The following TMEM273 variants were observed in gnomAD, a reference collection of about 807,000 sequenced individuals.
TMEM273 encodes the protein chromosome 10 open reading frame 128.
Under a neutral mutation model 17.9 loss-of-function variants are expected in TMEM273, and 19 were observed. That is an observed-to-expected ratio of 1.06 (90% CI 0.74 to 1.55). TMEM273 has a LOEUF of 1.55. TMEM273 is among the 40% of genes most tolerant of loss of function. The pLI is 0.00. For synonymous variants in TMEM273, 66 were observed against 62.0 expected, an observed-to-expected ratio of 1.07 and a Z score of -0.31; for missense variants, 194 against 155.6, an observed-to-expected ratio of 1.25 and a Z score of -1.31.
At position 49,168,033 on chromosome 10, in the gene TMEM273, G is replaced by C. The variant is rs1846311813; in HGVS notation, c.44-71C>G. 1.9e-6 allele frequency: 3 copies of C among 1,589,884 alleles called. No individual in the cohort carries two copies. In the African/African-American group the frequency reaches 4.0e-5, roughly 21 times the overall value. On this transcript the variant is annotated intron_variant, in intron 1 of 6. Transcript: ENST00000374153. ...GTGGTCCCAGCTACCCAGTCTCAGA[G>C]GCCTGGGAAAGCCTACCCCATGTAC...
At chr10:49,175,729 T>A (rs1384124681) in intron 1 of TMEM273, among the ~76,000 whole-genome samples, 2 of 152,188 alleles carry the variant, frequency 1.3e-5, no homozygotes, top group Non-Finnish European at 2.9e-5. Flanking sequence ...CCACCTGGTG[T>A]CCCAGGTCCA....
intron 1 of TMEM273, among the ~76,000 whole-genome samples, chr10:49,171,453 C>T (rs560215002): frequency 1.2e-4 from 19 of 152,356 alleles, no homozygotes; most frequent in South Asian, 4.1e-4. Flanking sequence ...TCAGATCAGC[C>T]TCTGACCATA....
At chr10:49,167,816 C>G in intron 2 of TMEM273, 93 bp downstream of exon 2, 1 of 1,518,928 alleles carries the variant, frequency 6.6e-7, no homozygotes, top group Non-Finnish European at 9.1e-7. Context: ...AGCAGGGAAC[C>G]AATTCCAGCA....
chr10:49,165,729 C>T (rs763569267), intron 4 of TMEM273, 37 bp downstream of exon 4: 37 of 1,613,312 alleles, frequency 2.3e-5, no homozygotes, highest in Non-Finnish European at 3.0e-5. Context: ...GGAGAGAACA[C>T]GATACCTCTC....
At chr10:49,156,003 G>T in intron 6 of TMEM273, 94 bp from the exon 7 acceptor site, 3 of 1,607,614 alleles carry the variant, frequency 1.9e-6, no homozygotes, top group Non-Finnish European at 2.5e-6. Context: ...AATTAAACAG[G>T]TATAAAAGCT....
chr10:49,170,333 C>A (rs1846476720), intron 1 of TMEM273, among the ~76,000 whole-genome samples: 1 of 152,138 alleles, frequency 6.6e-6, no homozygotes, highest in Admixed American at 6.5e-5. Context: ...GGCTGTCCTG[C>A]ATCCTTCCTC....
chr10:49,165,358 G>A, intron 4 of TMEM273, 75 bp from the exon 5 acceptor site: 2 of 1,549,200 alleles, frequency 1.3e-6, no homozygotes, highest in Non-Finnish European at 1.7e-6. Flanking sequence ...TGAGGACGTG[G>A]GCTCTGTGCA....
intron 1 of TMEM273, among the ~76,000 whole-genome samples, chr10:49,169,756 C>T (rs1335937439): frequency 6.6e-6 from 1 of 152,186 alleles, no homozygotes; most frequent in Non-Finnish European, 1.5e-5. Context: ...GGTTGAACAT[C>T]GTTCCGGACA....
intron 3 of TMEM273, chr10:49,166,657 T>TAGAGAGACAG: frequency 1.6e-6 from 1 of 637,130 alleles, no homozygotes; most frequent in Non-Finnish European, 2.7e-6. Flanking sequence ...GGAACACAAA[T>TAGAGAGACAG]AGAGAGACAG....
chr10:49,161,920 A>G (rs1250270452), intron 5 of TMEM273, among the ~76,000 whole-genome samples: 1 of 151,940 alleles, frequency 6.6e-6, no homozygotes, highest in African/African-American at 2.4e-5. Flanking sequence ...CCATCCAGCC[A>G]TTGCCTCCCA....
chr10:49,155,982 G>T (rs932076954), intron 6 of TMEM273, 73 bp from the exon 7 acceptor site: 2 of 1,611,736 alleles, frequency 1.2e-6, no homozygotes, highest in African/African-American at 2.7e-5. Flanking sequence ...ATGTGTTTAT[G>T]CAATTCACAC....
At chr10:49,167,878 T>C in intron 2 of TMEM273, 31 bp downstream of exon 2, 1 of 1,613,404 alleles carries the variant, frequency 6.2e-7, no homozygotes, top group Non-Finnish European at 8.5e-7. Flanking sequence ...CCCCTGACCC[T>C]GTGCACAGAA....
chr10:49,158,209 T>C (rs1845627111), intron 6 of TMEM273, among the ~76,000 whole-genome samples: 2 of 152,116 alleles, frequency 1.3e-5, no homozygotes, highest in Admixed American at 6.5e-5. Context: ...CTCTTTTCCA[T>C]GGAGAGCCAC....
intron 2 of TMEM273, 84 bp from the exon 3 acceptor site, chr10:49,167,093 G>A (rs1376047986): frequency 1.3e-6 from 2 of 1,554,932 alleles, no homozygotes; most frequent in African/African-American, 1.4e-5. Context: ...AAGCATGCAT[G>A]TGGCCCTTAA....
chr10:49,173,924 C>T (rs1208895359), intron 1 of TMEM273, among the ~76,000 whole-genome samples: 1 of 152,170 alleles, frequency 6.6e-6, no homozygotes, highest in Non-Finnish European at 1.5e-5. Flanking sequence ...GCTCCATCTT[C>T]CAGCCCACTG....
At chr10:49,161,028 G>A (rs1026800313) in intron 6 of TMEM273, 1 of 154,190 alleles carries the variant, frequency 6.5e-6, no homozygotes, top group African/African-American at 2.4e-5. Flanking sequence ...TGGGGAATGT[G>A]GATTGTGAAA....
At chr10:49,185,207 C>T (rs1847589025) in intron 1 of TMEM273, among the ~76,000 whole-genome samples, 1 of 152,256 alleles carries the variant, frequency 6.6e-6, no homozygotes, top group South Asian at 2.1e-4. Flanking sequence ...AGAGTGTTGG[C>T]TCCATAAATG....
intron 1 of TMEM273, among the ~76,000 whole-genome samples, chr10:49,180,816 T>G (rs1847297454): frequency 6.6e-6 from 1 of 152,184 alleles, no homozygotes; most frequent in Non-Finnish European, 1.5e-5. Flanking sequence ...ATAACCAAAC[T>G]TCATGGTGAG....
intron 1 of TMEM273, among the ~76,000 whole-genome samples, chr10:49,177,795 C>G (rs1847082650): frequency 6.6e-6 from 1 of 152,222 alleles, no homozygotes; most frequent in South Asian, 2.1e-4. Flanking sequence ...GCCCTCCTTG[C>G]CACACAGCCC....
Sources: allele counts gnomAD v4.1 joint callset (sites outside exome capture counted in the v4.1 genomes callset), GRCh38; gene constraint gnomAD v4.1.1; transcripts MANE v1.5; gene names NCBI Gene and HGNC (gene_info 2026-07-23, HGNC 2026-07-21).